ELMO1: variants seen among roughly 807,000 people sequenced by gnomAD.
ELMO1 encodes engulfment and cell motility protein 1.
In ELMO1, 26 loss-of-function variants were observed where a neutral mutation model predicts 98.9. The ratio of observed to expected loss-of-function variants is 0.26; its 90% confidence interval spans 0.19 to 0.36. ELMO1 has a LOEUF of 0.36. Ranked by LOEUF, ELMO1 falls within the 10% of genes least tolerant of loss-of-function variation. The pLI, the probability that ELMO1 is intolerant of heterozygous loss-of-function variation, is 1.00. For synonymous variants in ELMO1, 346 were observed against 346.0 expected, an observed-to-expected ratio of 1.00 and a Z score of 0.00; for missense variants, 627 against 935.2, an observed-to-expected ratio of 0.67 and a Z score of 4.30.
In ELMO1 at chr7:37,157,085, T is replaced by C. The variant is rs190197311; in HGVS notation, c.1087-23851A>G. On this transcript the variant is annotated intron_variant, in intron 13 of 21. Transcript: ENST00000310758. The stretch of plus-strand genomic sequence containing the variant: ...CAAAAACCACGATTATCTCAATAGA[T>C]GCAGAAAAGGCCTTTGACAAAATTC... 1.7e-3 allele frequency among the ~76,000 whole-genome samples: 253 copies of C among 152,344 alleles called. 2 individuals are homozygous for C. Among genetic ancestry groups the C allele is most frequent in the African/African-American group, 5.6e-3 (231 of 41,570 alleles).
At chr7:37,022,403 TAGA>T (rs1461831420) in intron 15 of ELMO1, among the ~76,000 whole-genome samples, 3 of 152,120 alleles carry the variant, frequency 2.0e-5, no homozygotes, top group Non-Finnish European at 4.4e-5. Context: ...GACAACCCAG[TAGA>T]AGAATGGGCA....
chr7:37,316,480 T>G (rs1221233343), intron 2 of ELMO1, among the ~76,000 whole-genome samples: 1 of 152,180 alleles, frequency 6.6e-6, no homozygotes, highest in Non-Finnish European at 1.5e-5. Flanking sequence ...CCCCAATAAA[T>G]GCCAATCATG....
intron 5 of ELMO1, chr7:37,270,904 GACAC>G (rs70975007): frequency 5.2e-5 from 7 of 133,640 alleles, no homozygotes; most frequent in African/African-American, 1.4e-4. Context: ...CACACACACA[GACAC>G]ACACACACAC....
intron 13 of ELMO1, among the ~76,000 whole-genome samples, chr7:37,181,494 CTT>C (rs2129994692): frequency 6.6e-6 from 1 of 152,270 alleles, no homozygotes; most frequent in East Asian, 1.9e-4. Flanking sequence ...TAAGCCAAGA[CTT>C]TTGACAGAAA....
At position 37,128,953 on chromosome 7, in the gene ELMO1, G is replaced by C. The variant is rs567578898; in HGVS notation, c.1191+4177C>G. Among the ~76,000 whole-genome samples, 4 of 152,226 alleles carry C rather than the reference G, an allele frequency of 2.6e-5. No individual in the cohort carries two copies. The East Asian group carries it at 7.8e-4, about 30-fold the overall frequency. ...AAATTGTGTGTCCACGGTGCAAAGA[G>C]AGTGGATGGAGTCATCCGGGTAGAG... On this transcript the variant is annotated intron_variant, in intron 14 of 21. Coordinates refer to ENST00000310758, the MANE Select transcript of ELMO1 (RefSeq NM_014800.11).
At position 37,232,909 on chromosome 7, in the gene ELMO1, T is replaced by C. The variant is rs41501844; in HGVS notation, c.549+186A>G. On this transcript the variant is annotated intron_variant, in intron 8 of 21. Coordinates refer to ENST00000310758, the MANE Select transcript of ELMO1 (RefSeq NM_014800.11). ...CGCACATGCAATCCCTTATAATCTC[T>C]TACAATCATTTTTATACAGAATTTG... Among the ~76,000 whole-genome samples, 2,495 of 152,262 alleles carry C rather than the reference T, an allele frequency of 0.016. 89 individuals carry two copies. In the South Asian group the frequency reaches 0.18, roughly 11 times the overall value.
intron 16 of ELMO1, chr7:36,984,859 A>G (rs1401148095): frequency 5.2e-6 from 5 of 963,176 alleles, no homozygotes; most frequent in Non-Finnish European, 6.2e-6. Flanking sequence ...TCTTAGGCAG[A>G]GATAGAAGCC....
At chr7:37,349,741 AC>A (rs1467245805) in intron 1 of ELMO1, among the ~76,000 whole-genome samples, 2 of 152,194 alleles carry the variant, frequency 1.3e-5, no homozygotes, top group Non-Finnish European at 2.9e-5. Flanking sequence ...GGCGTGAGCC[AC>A]CACACCTGGC....
intron 19 of ELMO1, among the ~76,000 whole-genome samples, chr7:36,876,761 G>A (rs1489337285): frequency 6.6e-6 from 1 of 152,168 alleles, no homozygotes; most frequent in Non-Finnish European, 1.5e-5. Context: ...TAGAGGCCCA[G>A]GACACCCCTA....
chr7:37,231,653 G>A lies in ELMO1; in HGVS notation c.549+1442C>T, dbSNP rs117461231. Among the ~76,000 whole-genome samples, 924 of 152,256 alleles carry A rather than the reference G, an allele frequency of 6.1e-3. 4 individuals are homozygous for A. Among genetic ancestry groups the A allele is most frequent in the Non-Finnish European group, 9.8e-3 (666 of 68,014 alleles). On this transcript the variant is annotated intron_variant, in intron 8 of 21. Coordinates refer to ENST00000310758, the MANE Select transcript of ELMO1 (RefSeq NM_014800.11). ...CTGTCACAGACTTGGGGACACTAAGGAGGCATGACAACCAAATTCAGTGTG... is the reference window on the plus strand; with the variant it reads ...CTGTCACAGACTTGGGGACACTAAGAAGGCATGACAACCAAATTCAGTGTG...
At chr7:37,293,203 C>A (rs1797841725) in intron 4 of ELMO1, among the ~76,000 whole-genome samples, 1 of 123,308 alleles carries the variant, frequency 8.1e-6, no homozygotes, top group South Asian at 2.8e-4. Flanking sequence ...CGGCCACCAC[C>A]CCGTCTGGGA....
chr7:37,301,023 C>A (rs578025276), intron 4 of ELMO1, among the ~76,000 whole-genome samples: 1 of 151,894 alleles, frequency 6.6e-6, no homozygotes, highest in Admixed American at 6.6e-5. Flanking sequence ...AGGAATTTAT[C>A]CATTTCTTCT....
intron 5 of ELMO1, among the ~76,000 whole-genome samples, chr7:37,265,540 G>A (rs1160267998): frequency 4.0e-5 from 6 of 151,834 alleles, no homozygotes; most frequent in East Asian, 1.9e-4. Context: ...TATTCTCCCC[G>A]CTCTCATGAG....
In ELMO1 at chr7:37,013,453, A is replaced by C. The variant is rs1793702042; in HGVS notation, c.1301-18T>G. On this transcript the variant is annotated intron_variant, in intron 15 of 21. Transcript: ENST00000310758. ...CTCACTAGCTGGAGGAAAGAGATGG[A>C]AAATAAGAGAAAAAGTTTTAAAACA... is the stretch of plus-strand genomic sequence containing the variant. 1 of 1,613,026 alleles carries C rather than the reference A, an allele frequency of 6.2e-7. No homozygotes were observed. The highest frequency in any genetic ancestry group is 1.7e-4 in the Middle Eastern group (1 of 6,058).
chr7:36,920,490 G>A (rs1361398671), intron 16 of ELMO1, among the ~76,000 whole-genome samples: 1 of 152,102 alleles, frequency 6.6e-6, no homozygotes, highest in African/African-American at 2.4e-5. Flanking sequence ...TCACAACATG[G>A]TTTTTGGTTT....
At chr7:36,929,480 C>T (rs937664513) in intron 16 of ELMO1, among the ~76,000 whole-genome samples, 15 of 152,206 alleles carry the variant, frequency 9.9e-5, no homozygotes, top group Non-Finnish European at 7.3e-5. Flanking sequence ...GAAAATTTCT[C>T]TAAGCTGAGA....
intron 4 of ELMO1, among the ~76,000 whole-genome samples, chr7:37,287,192 CTCA>C (rs1797435150): frequency 1.4e-5 from 2 of 142,444 alleles, no homozygotes; most frequent in African/African-American, 5.6e-5. Flanking sequence ...GAGACTCCTT[CTCA>C]AAAAAAAAAA....
chr7:37,214,131 C>T (rs999845577), intron 11 of ELMO1, among the ~76,000 whole-genome samples: 1 of 152,120 alleles, frequency 6.6e-6, no homozygotes, highest in Admixed American at 6.5e-5. Flanking sequence ...CTGGATAGGT[C>T]CACCCCCAAT....
chr7:36,978,862 T>C (rs927113442), intron 16 of ELMO1, among the ~76,000 whole-genome samples: 1 of 152,216 alleles, frequency 6.6e-6, no homozygotes, highest in African/African-American at 2.4e-5. Flanking sequence ...TTAGGAGATA[T>C]TAGATTTGAA....
Sources: allele counts gnomAD v4.1 joint callset (sites outside exome capture counted in the v4.1 genomes callset), GRCh38; gene constraint gnomAD v4.1.1; transcripts MANE v1.5; gene names NCBI Gene and HGNC (gene_info 2026-07-23, HGNC 2026-07-21).